CDH18: variants seen among roughly 807,000 people sequenced by gnomAD.
The protein encoded by CDH18 is cadherin-18.
A neutral mutation model predicts 67.9 loss-of-function variants in CDH18; 31 were observed. The ratio of observed to expected loss-of-function variants is 0.46; its 90% CI spans 0.34 to 0.62. CDH18 has a LOEUF of 0.62. CDH18 is among the 20% of genes least tolerant of loss of function. CDH18 has a pLI of 0.01. For missense variants in CDH18, 890 were observed against 975.5 expected, an observed-to-expected ratio of 0.91 and a Z score of 1.17; for synonymous variants, 362 against 347.2, an observed-to-expected ratio of 1.04 and a Z score of -0.48.
At chr5:19,933,049 C>T (rs10941541) in intron 2 of CDH18, among the ~76,000 whole-genome samples, 74,665 of 151,178 alleles carry the variant, frequency 0.49, 19,314 homozygotes, top group East Asian at 0.72. Flanking sequence ...CTAATCATAA[C>T]TGTAATGCAG....
At chr5:19,553,169 G>C (rs745333789) in intron 8 of CDH18, among the ~76,000 whole-genome samples, 4 of 151,956 alleles carry the variant, frequency 2.6e-5, no homozygotes, top group Non-Finnish European at 4.4e-5. Flanking sequence ...CCTTTGATTA[G>C]GTATACATTC....
At chr5:20,397,283 ACCACGCCCGG>A (rs976082755) in intron 1 of CDH18, among the ~76,000 whole-genome samples, 5 of 151,922 alleles carry the variant, frequency 3.3e-5, no homozygotes, top group African/African-American at 1.2e-4. Flanking sequence ...GGTGCGCACC[ACCACGCCCGG>A]CTAATTTTTT....
At chr5:19,871,074 C>T (rs1404035766) in intron 2 of CDH18, among the ~76,000 whole-genome samples, 2 of 152,026 alleles carry the variant, frequency 1.3e-5, no homozygotes, top group Non-Finnish European at 1.5e-5. Context: ...AATATTTTAT[C>T]CACAGATGTG....
chr5:19,884,727 T>C (rs368979268), intron 2 of CDH18, among the ~76,000 whole-genome samples: 1 of 152,084 alleles, frequency 6.6e-6, no homozygotes, highest in African/African-American at 2.4e-5. Context: ...TCATCTTTTA[T>C]GTTATTTTAT....
chr5:20,341,367 T>C (rs979429669), intron 1 of CDH18, among the ~76,000 whole-genome samples: 9 of 152,034 alleles, frequency 5.9e-5, no homozygotes, highest in African/African-American at 2.2e-4. Flanking sequence ...TACAGGGTGC[T>C]TCCTGCCCTC....
At chr5:19,485,322 C>G (rs984453545) in intron 11 of CDH18, among the ~76,000 whole-genome samples, 2 of 151,598 alleles carry the variant, frequency 1.3e-5, no homozygotes, top group Non-Finnish European at 2.9e-5. Flanking sequence ...GTGGCGCCAC[C>G]TCGGCTCACT....
intron 2 of CDH18, among the ~76,000 whole-genome samples, chr5:20,213,415 C>T (rs2126397383): frequency 6.6e-6 from 1 of 152,124 alleles, no homozygotes; most frequent in East Asian, 1.9e-4. Flanking sequence ...AGGGAGAATT[C>T]CCTTTTAGTC....
At chr5:19,939,535 A>G (rs2892428) in intron 2 of CDH18, among the ~76,000 whole-genome samples, 1 of 151,416 alleles carries the variant, frequency 6.6e-6, no homozygotes, top group Non-Finnish European at 1.5e-5. Flanking sequence ...ATTGTACTTA[A>G]GTAGATTGAA....
At chr5:20,526,945 T>A (rs1477594826) in intron 1 of CDH18, among the ~76,000 whole-genome samples, 1 of 151,926 alleles carries the variant, frequency 6.6e-6, no homozygotes, top group Non-Finnish European at 1.5e-5. Flanking sequence ...CCGACAGAAG[T>A]AGGCTTCAGA....
At chr5:20,419,781 G>A (rs1747710267) in intron 1 of CDH18, among the ~76,000 whole-genome samples, 1 of 150,774 alleles carries the variant, frequency 6.6e-6, no homozygotes, top group African/African-American at 2.5e-5. Context: ...CTGTCCCTGG[G>A]ACTCTTTTGG....
intron 1 of CDH18, among the ~76,000 whole-genome samples, chr5:20,509,134 T>C (rs1754855334): frequency 6.6e-6 from 1 of 152,194 alleles, no homozygotes; most frequent in African/African-American, 2.4e-5. Context: ...TTGTCAAATA[T>C]ACAATACATT....
At chr5:20,158,224 T>C (rs1178733084) in intron 2 of CDH18, among the ~76,000 whole-genome samples, 1 of 152,190 alleles carries the variant, frequency 6.6e-6, no homozygotes, top group Non-Finnish European at 1.5e-5. Flanking sequence ...TTGTTCTTTA[T>C]TATTTATGTC....
intron 3 of CDH18, among the ~76,000 whole-genome samples, chr5:19,795,855 G>A (rs568310655): frequency 3.3e-5 from 5 of 152,086 alleles, no homozygotes; most frequent in South Asian, 2.1e-4. Flanking sequence ...TATTTTGAAC[G>A]AAGTGAAATA....
chr5:20,381,567 G>A (rs1743909715), intron 1 of CDH18, among the ~76,000 whole-genome samples: 2 of 152,184 alleles, frequency 1.3e-5, no homozygotes, highest in South Asian at 2.1e-4. Context: ...CCTAAAACAA[G>A]GAAGGCATTG....
intron 4 of CDH18, among the ~76,000 whole-genome samples, chr5:19,740,350 T>C (rs1487079605): frequency 6.6e-6 from 1 of 152,038 alleles, no homozygotes; most frequent in East Asian, 1.9e-4. Flanking sequence ...TGTTATATGA[T>C]CTTTTTGAAA....
At chr5:19,923,680 A>C (rs1317358987) in intron 2 of CDH18, among the ~76,000 whole-genome samples, 1 of 152,180 alleles carries the variant, frequency 6.6e-6, no homozygotes, top group Non-Finnish European at 1.5e-5. Flanking sequence ...TCTCTAACTC[A>C]GAACAAACAA....
chr5:20,072,639 A>G (rs1221160173), intron 2 of CDH18, among the ~76,000 whole-genome samples: 4 of 152,010 alleles, frequency 2.6e-5, no homozygotes, highest in African/African-American at 9.7e-5. Flanking sequence ...GGTGGAGTGC[A>G]CGTGCAATGA....
chr5:19,472,931 TG>T lies in CDH18; in HGVS notation c.*294del. ...CACAATATATTGAAACAAATATCAT[TG>T]TTTGGCTTAATTCAGGTATTCTTAA... is the stretch of plus-strand genomic sequence containing the variant. On this transcript the variant is annotated 3_prime_UTR_variant, in exon 13 of 13. Coordinates refer to ENST00000382275, the MANE Select transcript of CDH18 (RefSeq NM_004934.5). 1 of 260,364 alleles carries T rather than the reference TG, an allele frequency of 3.8e-6. No individual in the cohort carries two copies. 16.1% of individuals were successfully genotyped at this position (260,364 alleles called of 1,614,324 possible). A position where few individuals can be genotyped will look rare whatever the true frequency, so the allele number is the denominator to read the frequency against.
At chr5:19,799,102 T>C (rs1393840535) in intron 3 of CDH18, among the ~76,000 whole-genome samples, 2 of 152,086 alleles carry the variant, frequency 1.3e-5, no homozygotes, top group East Asian at 3.9e-4. Flanking sequence ...TTAGCAACAA[T>C]ATGGATGAAC....
Sources: gnomAD v4.1 joint callset for allele counts (sites outside exome capture counted in the v4.1 genomes callset) on GRCh38, gnomAD v4.1.1 for gene constraint, MANE v1.5 for transcripts, NCBI Gene and HGNC (gene_info 2026-07-23, HGNC 2026-07-21) for gene names.